SLC9B2: variants seen among roughly 807,000 people sequenced by gnomAD.
SLC9B2 encodes solute carrier family 9 member B2.
Under a neutral mutation model 52.2 loss-of-function variants are expected in SLC9B2, and 39 were observed. The observed-to-expected ratio is 0.75, with a 90% CI of 0.58 to 0.98. The LOEUF (loss-of-function observed/expected upper bound fraction) is 0.98. SLC9B2 is among the 50% of genes least tolerant of loss of function. The pLI is 0.00. For missense variants in SLC9B2, 626 were observed against 637.5 expected, an observed-to-expected ratio of 0.98 and a Z score of 0.19; for synonymous variants, 214 against 227.0, an observed-to-expected ratio of 0.94 and a Z score of 0.51.
At position 103,023,495 on chromosome 4, in the gene SLC9B2, G is replaced by A. The variant is rs72943511; in HGVS notation, c.*2875C>T. On this transcript the variant is annotated 3_prime_UTR_variant, in exon 12 of 12. Coordinates refer to ENST00000394785, the MANE Select transcript of SLC9B2 (RefSeq NM_178833.7). ...GGCTTTCAATGTGGTGACAAACCCC[G>A]GCCTTCACATGGTGAGCCCTGCTGA... Among the ~76,000 whole-genome samples, 290 of 152,192 alleles carry A rather than the reference G, an allele frequency of 1.9e-3. No individual in the cohort carries two copies. Among genetic ancestry groups the A allele is most frequent in the African/African-American group, 6.7e-3 (279 of 41,512 alleles).
At position 103,047,090 on chromosome 4, in the gene SLC9B2, T is replaced by G. The variant is rs369991223; in HGVS notation, c.850A>C (p.Thr284Pro). Reference protein sequence around the residue: ...AGSFDDILAITGFNTCLGIAF... With the variant: ...AGSFDDILAIPGFNTCLGIAF... ...ATGCCCAAGCATGTGTTGAAGCCAG[T>G]GATGGCCAGAATGTCATCGAAGCTG... Residue 284 changes from threonine (T) to proline (P), a missense_variant, in exon 7 of 12, where the codon ACT becomes CCT. Physicochemically the swap from Thr to Pro is conservative, Grantham distance 38. Coordinates refer to ENST00000394785, the MANE Select transcript of SLC9B2 (RefSeq NM_178833.7). 1.7e-4 allele frequency: 282 copies of G among 1,613,938 alleles called. No individual in the cohort carries two copies. Among genetic ancestry groups the G allele is most frequent in the Non-Finnish European group, 2.2e-4 (265 of 1,179,956 alleles).
chr4:103,019,432 ATGTC>A, downstream of SLC9B2, among the ~76,000 whole-genome samples: 1 of 152,342 alleles, frequency 6.6e-6, no homozygotes, highest in African/African-American at 2.4e-5. Flanking sequence ...AGGAGAGACA[ATGTC>A]TGTGGCTGTT....
chr4:103,035,863 G>A (rs1472580430), intron 9 of SLC9B2, among the ~76,000 whole-genome samples: 2 of 152,054 alleles, frequency 1.3e-5, no homozygotes, highest in Non-Finnish European at 2.9e-5. Context: ...GCAAAGACAC[G>A]GAATCAACCT....
At chr4:103,036,633 C>G (rs779399080) in intron 9 of SLC9B2, among the ~76,000 whole-genome samples, 9 of 136,394 alleles carry the variant, frequency 6.6e-5, no homozygotes, top group Non-Finnish European at 1.4e-4. Flanking sequence ...TTATGAAACA[C>G]AAATTAAATT....
chr4:103,045,677 G>A (rs992763756), intron 7 of SLC9B2, among the ~76,000 whole-genome samples: 3 of 152,068 alleles, frequency 2.0e-5, no homozygotes, highest in African/African-American at 7.2e-5. Context: ...TCTTCGAGCT[G>A]TAGCTTATGA....
intron 1 of SLC9B2, among the ~76,000 whole-genome samples, chr4:103,073,041 T>C (rs1746806257): frequency 6.6e-6 from 1 of 152,190 alleles, no homozygotes; most frequent in Non-Finnish European, 1.5e-5. Context: ...GAAGAAGACA[T>C]GGCAAGAAGG....
chr4:103,048,673 C>T (rs1744386262), intron 6 of SLC9B2: 3 of 471,180 alleles, frequency 6.4e-6, no homozygotes, highest in African/African-American at 4.0e-5. Flanking sequence ...AAGACCACGA[C>T]TTCTTCAACA....
chr4:103,028,126 CTA>C (rs1281151370), intron 11 of SLC9B2, among the ~76,000 whole-genome samples: 1 of 152,098 alleles, frequency 6.6e-6, no homozygotes, highest in Non-Finnish European at 1.5e-5. Flanking sequence ...AAGCACCTAT[CTA>C]TAATAGCTTT....
chr4:103,064,946 C>T (rs1745980563), intron 3 of SLC9B2, among the ~76,000 whole-genome samples: 1 of 151,730 alleles, frequency 6.6e-6, no homozygotes, highest in South Asian at 2.1e-4. Context: ...CTAGTTTTGC[C>T]AGATGCAGTG....
At chr4:103,050,470 A>AG in intron 4 of SLC9B2, 88 bp from the exon 5 acceptor site, 1 of 1,216,446 alleles carries the variant, frequency 8.2e-7, no homozygotes, top group Non-Finnish European at 1.1e-6. Context: ...CTACTATATA[A>AG]TCCCAGGAAC....
intron 3 of SLC9B2, among the ~76,000 whole-genome samples, chr4:103,060,341 T>TA (rs1259644353): frequency 6.6e-6 from 1 of 151,988 alleles, no homozygotes; most frequent in Admixed American, 6.6e-5. Flanking sequence ...TAATTTCAAT[T>TA]ACTATCCTAT....
At position 103,042,171 on chromosome 4, in the gene SLC9B2, ATTGAG is replaced by A. The variant is rs1743701874; in HGVS notation, c.1146+1120_1146+1124del. 5 of 152,238 alleles carry A rather than the reference ATTGAG, an allele frequency of 3.3e-5. 1 individual carries two copies. In the South Asian group the frequency reaches 1.0e-3, roughly 32 times the overall value. 9.4% of individuals were successfully genotyped at this position (152,238 alleles called of 1,614,324 possible). A position where few individuals can be genotyped will look rare whatever the true frequency, so the allele number is the denominator to read the frequency against. On this transcript the variant is annotated intron_variant, in intron 9 of 11. Transcript: ENST00000394785. ...GAAGATCCCCACAGAGATCCACTTA[ATTGAG>A]TTATGATTATATATCTCATCTCAAA... is the stretch of plus-strand genomic sequence containing the variant.
At chr4:103,071,713 G>A (rs1244648523) in intron 1 of SLC9B2, among the ~76,000 whole-genome samples, 1 of 152,016 alleles carries the variant, frequency 6.6e-6, no homozygotes, top group African/African-American at 2.4e-5. Flanking sequence ...GTTTCACTAT[G>A]TTGGCCAGAA....
intron 2 of SLC9B2, 32 bp downstream of exon 2, chr4:103,067,429 G>A: frequency 6.3e-7 from 1 of 1,579,028 alleles, no homozygotes; most frequent in Non-Finnish European, 8.7e-7. Context: ...AGAATATGAA[G>A]AAAACACAAT....
At chr4:103,073,119 C>A (rs1425913914) in intron 1 of SLC9B2, among the ~76,000 whole-genome samples, 1 of 152,170 alleles carries the variant, frequency 6.6e-6, no homozygotes. Context: ...TGACCTAGGA[C>A]TTCCCAGCCT....
Position 103,026,561 on chromosome 4 carries a change from C to T in SLC9B2, c.1423G>A (p.Ala475Thr), listed in dbSNP as rs765610419. 2.5e-6 allele frequency: 4 copies of T among 1,613,576 alleles called. No individual in the cohort carries two copies. The highest frequency in any genetic ancestry group is 3.4e-6 in the Non-Finnish European group (4 of 1,179,774). The change falls in exon 12 of 12, where the codon GCA becomes ACA. Residue 475 changes from alanine to threonine, a missense_variant. Transcript: ENST00000394785. ...AATTGTTTCTCTCCATGTGACCTTG[C>T]TGTGTCCAAAGCCACAGATCCTATT... ...AAIGSVALDT[A>T]RSHGEKQLED...
At chr4:103,065,131 C>T (rs1745997651) in intron 3 of SLC9B2, among the ~76,000 whole-genome samples, 1 of 151,202 alleles carries the variant, frequency 6.6e-6, no homozygotes, top group Admixed American at 6.6e-5. Flanking sequence ...ATGTAATTTT[C>T]TCTAGACTTT....
At chr4:103,033,588 T>C (rs1324514000) in intron 9 of SLC9B2, among the ~76,000 whole-genome samples, 1 of 152,208 alleles carries the variant, frequency 6.6e-6, no homozygotes, top group Non-Finnish European at 1.5e-5. Flanking sequence ...CAGAGGCTTC[T>C]AGATCTTATA....
At chr4:103,050,465 A>G in intron 4 of SLC9B2, 83 bp from the exon 5 acceptor site, 1 of 1,242,010 alleles carries the variant, frequency 8.1e-7, no homozygotes, top group Non-Finnish European at 1.0e-6. Flanking sequence ...ACAGACTACT[A>G]TATAATCCCA....
Sources: allele counts gnomAD v4.1 joint callset (sites outside exome capture counted in the v4.1 genomes callset), GRCh38; gene constraint gnomAD v4.1.1; transcripts MANE v1.5; gene names NCBI Gene and HGNC (gene_info 2026-07-23, HGNC 2026-07-21).